Variants in ANKRD62 observed in about 807,000 individuals in gnomAD.
The protein encoded by ANKRD62 is ankyrin repeat domain-containing protein 62.
In ANKRD62, 61 loss-of-function variants were observed where a neutral mutation model predicts 98.8. The ratio of observed to expected loss-of-function variants is 0.62; its 90% confidence interval spans 0.50 to 0.76. The LOEUF is 0.76. Among genes scored for constraint, ANKRD62 ranks in the 30% least tolerant of loss-of-function variants. The probability of loss-of-function intolerance (pLI) is 0.00; values close to 1 mark genes in which losing one functional copy is unlikely to be tolerated. For synonymous variants in ANKRD62, 341 were observed against 367.9 expected (o/e 0.93, Z 0.84); for missense variants, 933 against 1,082.9 (o/e 0.86, Z 1.94).
At chr18:12,146,132 C>T in the ANKRD62 span, among the ~76,000 whole-genome samples, 11 of 151,480 alleles carry the variant, frequency 7.3e-5, no homozygotes, top group South Asian at 2.1e-4. Context: ...CACAGCACAG[C>T]GCAGCACGGC....
chr18:12,157,241 A>G, the ANKRD62 span, among the ~76,000 whole-genome samples: 4 of 152,174 alleles, frequency 2.6e-5, no homozygotes, highest in South Asian at 2.1e-4. Context: ...CAGACTTTTT[A>G]TACAGTAAAA....
intron 8 of ANKRD62, among the ~76,000 whole-genome samples, chr18:12,114,475 A>C (rs1406118595): frequency 6.6e-6 from 1 of 152,214 alleles, no homozygotes; most frequent in South Asian, 2.1e-4. Flanking sequence ...TTGAATGCTT[A>C]GTCTGCTATT....
At chr18:12,166,761 C>T in the ANKRD62 span, among the ~76,000 whole-genome samples, 9 of 152,226 alleles carry the variant, frequency 5.9e-5, no homozygotes, top group South Asian at 1.9e-3. Flanking sequence ...TTCTAGGGTA[C>T]ATGTGCCCAA....
chr18:12,096,070 G>T, intron 3 of ANKRD62, 126 bp from the exon 4 acceptor site: 1 of 682,000 alleles, frequency 1.5e-6, no homozygotes. Flanking sequence ...GAGTGAGAAG[G>T]AAGGGATTGC....
the ANKRD62 span, among the ~76,000 whole-genome samples, chr18:12,141,319 C>T: frequency 9.6e-3 from 1,465 of 152,288 alleles, 26 homozygotes; most frequent in African/African-American, 0.033. Flanking sequence ...GGTGATGCCT[C>T]GCCCTGCTTC....
the ANKRD62 span, among the ~76,000 whole-genome samples, chr18:12,175,297 G>A: frequency 6.6e-6 from 1 of 152,038 alleles, no homozygotes; most frequent in African/African-American, 2.4e-5. Context: ...CAAGGGCAGG[G>A]TAGGGCACTG....
intron 8 of ANKRD62, among the ~76,000 whole-genome samples, chr18:12,113,684 G>A (rs117748696): frequency 1.2e-4 from 18 of 152,260 alleles, no homozygotes; most frequent in African/African-American, 1.7e-4. Flanking sequence ...AAAGGAATGC[G>A]TATACGCTGT....
Position 12,129,529 on chromosome 18 carries a change from T to G in ANKRD62, c.*1590T>G, listed in dbSNP as rs1006912020. ...TTGGGAGGCCGAGATGGGCGGATCA[T>G]GAGGTCAGGAGATCAAGGCCATCCT... is the stretch of plus-strand genomic sequence containing the variant. On this transcript the variant is annotated 3_prime_UTR_variant, in exon 14 of 14. Coordinates refer to ENST00000587848, the MANE Select transcript of ANKRD62 (RefSeq NM_001277333.2). 1 of 152,136 alleles carries G rather than the reference T, an allele frequency of 6.6e-6. No individual in the cohort carries two copies. Among genetic ancestry groups the G allele is most frequent in the Non-Finnish European group, 1.5e-5 (1 of 68,098 alleles). The allele number at this position is 152,136 out of a possible 1,614,324, so 9.4% of individuals were successfully genotyped here.
At chr18:12,098,786 G>A (rs1201651046) in intron 5 of ANKRD62, among the ~76,000 whole-genome samples, 1 of 152,162 alleles carries the variant, frequency 6.6e-6, no homozygotes, top group Admixed American at 6.5e-5. Flanking sequence ...TCAAAAATAT[G>A]AGGGTTTTTG....
chr18:12,122,594 C>T (rs1909804544), intron 11 of ANKRD62, 78 bp downstream of exon 11: 1 of 1,232,038 alleles, frequency 8.1e-7, no homozygotes, highest in Non-Finnish European at 1.1e-6. Context: ...TAATAGCTGA[C>T]TTACCTTCTA....
the ANKRD62 span, among the ~76,000 whole-genome samples, chr18:12,170,629 G>GT: frequency 3.1e-3 from 475 of 152,324 alleles, 3 homozygotes; most frequent in African/African-American, 9.9e-3. Flanking sequence ...GGAGAGTTCT[G>GT]TAGATGTCTA....
intron 13 of ANKRD62, among the ~76,000 whole-genome samples, 196 bp downstream of exon 13, chr18:12,126,579 A>C (rs1268632689): frequency 6.6e-6 from 1 of 152,224 alleles, no homozygotes; most frequent in Non-Finnish European, 1.5e-5. Context: ...CCTTTGAGTA[A>C]AGACAATGTG....
chr18:12,122,460 C>A lies in ANKRD62; in HGVS notation c.1398C>A (p.Thr466=). ...AGGTACTATCTGAAACAGACAAAAC[C>A]AAATCACAGTCAGAGCATCAGAATC... The part of the protein sequence containing the change: ...LQKVLSETDK[T]KSQSEHQNLQ... Residue 466 remains threonine (T), a synonymous_variant, in exon 11 of 14, where the codon ACC becomes ACA. Coordinates refer to ENST00000587848, the MANE Select transcript of ANKRD62 (RefSeq NM_001277333.2). 1 of 1,534,428 alleles carries A rather than the reference C, an allele frequency of 6.5e-7. No individual in the cohort carries two copies. Among genetic ancestry groups the A allele is most frequent in the Middle Eastern group, 1.7e-4 (1 of 5,980 alleles).
chr18:12,152,547 A>C, the ANKRD62 span, among the ~76,000 whole-genome samples: 2 of 152,190 alleles, frequency 1.3e-5, no homozygotes, highest in Non-Finnish European at 2.9e-5. Context: ...TCATGTTAAA[A>C]ACTCTCAATG....
chr18:12,160,003 A>G, the ANKRD62 span, among the ~76,000 whole-genome samples: 1 of 152,168 alleles, frequency 6.6e-6, no homozygotes, highest in African/African-American at 2.4e-5. Flanking sequence ...ACCTTTAACA[A>G]AGGAATGGAA....
At chr18:12,113,095 G>A (rs924848107) in intron 8 of ANKRD62, among the ~76,000 whole-genome samples, 2 of 152,004 alleles carry the variant, frequency 1.3e-5, no homozygotes, top group Non-Finnish European at 2.9e-5. Flanking sequence ...GGTTTTTGCC[G>A]TGTTGGTCAG....
At chr18:12,174,212 C>A in the ANKRD62 span, among the ~76,000 whole-genome samples, 1 of 150,982 alleles carries the variant, frequency 6.6e-6, no homozygotes, top group South Asian at 2.1e-4. Flanking sequence ...GTTTTTCTTT[C>A]TGTTCTTGTC....
chr18:12,140,302 G>A, the ANKRD62 span, among the ~76,000 whole-genome samples: 1 of 151,974 alleles, frequency 6.6e-6, no homozygotes, highest in Admixed American at 6.6e-5. Flanking sequence ...ACTTCCTCCT[G>A]TAGCTCGGAG....
chr18:12,155,670 T>C, the ANKRD62 span, among the ~76,000 whole-genome samples: 1 of 152,128 alleles, frequency 6.6e-6, no homozygotes, highest in South Asian at 2.1e-4. Flanking sequence ...AATGATAATC[T>C]CTTAGAGCCA....
Sources: allele counts gnomAD v4.1 joint callset (sites outside exome capture counted in the v4.1 genomes callset), GRCh38; gene constraint gnomAD v4.1.1; transcripts MANE v1.5; gene names NCBI Gene and HGNC (gene_info 2026-07-23, HGNC 2026-07-21).